The following LHPP variants were observed in gnomAD, a reference collection of about 807,000 sequenced individuals.
LHPP encodes phospholysine phosphohistidine inorganic pyrophosphate phosphatase, also known as hLHPP.
In LHPP, 24 loss-of-function variants were observed where a neutral mutation model predicts 30.3. The observed-to-expected ratio is 0.79, with a 90% CI of 0.57 to 1.11. The LOEUF (loss-of-function observed/expected upper bound fraction) is 1.11, where lower values mean the gene tolerates loss of function less well. Ranked by LOEUF, LHPP falls within the 50% of genes most tolerant of loss-of-function variation. The pLI, the probability that LHPP is intolerant of heterozygous loss-of-function variation, is 0.00. For missense variants in LHPP, 356 were observed against 367.2 expected, an observed-to-expected ratio of 0.97 and a Z score of 0.25; for synonymous variants, 150 against 157.1, an observed-to-expected ratio of 0.95 and a Z score of 0.34.
At chr10:124,467,074 T>G (rs1277617957) in intron 1 of LHPP, among the ~76,000 whole-genome samples, 3 of 151,500 alleles carry the variant, frequency 2.0e-5, no homozygotes, top group Non-Finnish European at 2.9e-5. Flanking sequence ...CCGTGAGCTA[T>G]GAATGTGCTA....
At chr10:124,526,092 G>T in intron 6 of LHPP, 1 of 784,840 alleles carries the variant, frequency 1.3e-6, no homozygotes, top group Non-Finnish European at 1.5e-6. Context: ...CCTGGAAGGC[G>T]CTGGAGTGGT....
intron 6 of LHPP, among the ~76,000 whole-genome samples, chr10:124,589,562 G>T (rs899525610): frequency 2.0e-5 from 3 of 152,236 alleles, no homozygotes; most frequent in African/African-American, 7.2e-5. Context: ...GGAGGAGCAG[G>T]ACTGTTGACA....
chr10:124,540,210 C>T lies in LHPP; in HGVS notation c.716+22939C>T, dbSNP rs1191880386. Among the ~76,000 whole-genome samples the T allele has an allele frequency of 2.0e-5, 3 of 152,318 alleles. No individual in the cohort carries two copies. The East Asian group carries it at 5.8e-4, about 29-fold the overall frequency. The stretch of plus-strand genomic sequence containing the variant: ...GCTGTGGGTGGGTGGGCAGGTGTGC[C>T]TTGTGCTGTGGCCTCCCGAGACAAG... On this transcript the variant is annotated intron_variant, in intron 6 of 6. Coordinates refer to ENST00000368842, the MANE Select transcript of LHPP (RefSeq NM_022126.4).
chr10:124,535,051 A>G (rs558174540), intron 6 of LHPP, among the ~76,000 whole-genome samples: 1 of 152,306 alleles, frequency 6.6e-6, no homozygotes, highest in South Asian at 2.1e-4. Flanking sequence ...TTGTGTGGCC[A>G]TAGGTGGTTA....
chr10:124,465,775 C>G (rs1033765625), intron 1 of LHPP, among the ~76,000 whole-genome samples: 4 of 152,222 alleles, frequency 2.6e-5, no homozygotes, highest in Admixed American at 2.6e-4. Flanking sequence ...GATGGCCAGG[C>G]TGGTCCCGAA....
At chr10:124,578,162 T>C (rs1199412441) in intron 6 of LHPP, among the ~76,000 whole-genome samples, 1 of 152,196 alleles carries the variant, frequency 6.6e-6, no homozygotes, top group South Asian at 2.1e-4. Context: ...CACCACATGC[T>C]GTCACCTCCA....
At position 124,563,313 on chromosome 10, in the gene LHPP, CT is replaced by C. The variant is rs58678509; in HGVS notation, c.716+46057del. ...AGAAACAATCTCTCTCTCTCTTTTT[CT>C]TTTTTTTTTTTTTTGCATAAAATCC... On this transcript the variant is annotated intron_variant, in intron 6 of 6. Transcript: ENST00000368842. Among the ~76,000 whole-genome samples, 1,323 of 139,002 alleles carry C rather than the reference CT, an allele frequency of 9.5e-3. 21 individuals are homozygous for C. Among genetic ancestry groups the C allele is most frequent in the African/African-American group, 0.033 (1,226 of 37,486 alleles). 91.2% of individuals were successfully genotyped at this position (139,002 alleles called of 152,430 possible).
At chr10:124,544,382 G>A (rs1336367410) in intron 6 of LHPP, among the ~76,000 whole-genome samples, 1 of 152,200 alleles carries the variant, frequency 6.6e-6, no homozygotes, top group Admixed American at 6.5e-5. Context: ...GTCCCCAGGG[G>A]TCAGGAGCAG....
chr10:124,591,507 C>G (rs1948882065), intron 6 of LHPP, among the ~76,000 whole-genome samples: 4 of 152,116 alleles, frequency 2.6e-5, no homozygotes, highest in Admixed American at 2.6e-4. Context: ...TAGAGAACAA[C>G]AGGTTTAGGA....
intron 4 of LHPP, 100 bp from the exon 5 acceptor site, chr10:124,497,936 C>A: frequency 4.2e-6 from 4 of 948,922 alleles, no homozygotes; most frequent in Non-Finnish European, 6.8e-6. Context: ...CTTCAAGGCC[C>A]TTGACTCTTG....
chr10:124,499,419 G>A (rs1953837777), intron 5 of LHPP, among the ~76,000 whole-genome samples: 1 of 151,798 alleles, frequency 6.6e-6, no homozygotes, highest in African/African-American at 2.4e-5. Context: ...TGAGGCAGGT[G>A]GATCACTTGA....
chr10:124,548,819 G>A (rs1955412933), intron 6 of LHPP, among the ~76,000 whole-genome samples: 1 of 152,238 alleles, frequency 6.6e-6, no homozygotes, highest in Non-Finnish European at 1.5e-5. Flanking sequence ...GTCTGGCAGA[G>A]CCTCAGCAGG....
chr10:124,607,852 G>A (rs924802354), intron 6 of LHPP, among the ~76,000 whole-genome samples: 16 of 152,196 alleles, frequency 1.1e-4, no homozygotes, highest in African/African-American at 3.4e-4. Flanking sequence ...CCCGGGCCGC[G>A]GCCTCAGCCC....
At chr10:124,585,724 G>A (rs952043661) in intron 6 of LHPP, among the ~76,000 whole-genome samples, 4 of 151,990 alleles carry the variant, frequency 2.6e-5, no homozygotes, top group African/African-American at 7.2e-5. Context: ...TCAGCCTCCC[G>A]AGCAGCAAGC....
At chr10:124,471,733 A>ATG (rs1952782804) in intron 1 of LHPP, among the ~76,000 whole-genome samples, 1 of 122,768 alleles carries the variant, frequency 8.1e-6, no homozygotes, top group Non-Finnish European at 1.6e-5. Context: ...ATGTATATAT[A>ATG]TATTTGTATA....
intron 6 of LHPP, chr10:124,526,239 C>T: frequency 1.0e-6 from 1 of 985,358 alleles, no homozygotes; most frequent in Non-Finnish European, 1.2e-6. Context: ...GCGCGTTCCC[C>T]AGGAGCTGGA....
rs1031582873 is a variant in LHPP at position 124,496,741 on chromosome 10, C to A, written c.468-220C>A. ...GCGACCTGTGGCATCCCTGGAGCTG[C>A]TGGCTGCTGCGCTCGCCCCACTGGG... is the stretch of plus-strand genomic sequence containing the variant. On this transcript the variant is annotated intron_variant, in intron 3 of 6. Transcript: ENST00000368842. This position sits in a 1 kb window ranked among gnomAD's most constrained non-coding sequence, Gnocchi z 4.3. Among the ~76,000 whole-genome samples the A allele has an allele frequency of 6.6e-6, 1 of 152,250 alleles. No individual in the cohort carries two copies. The highest frequency in any genetic ancestry group is 2.4e-5 in the African/African-American group (1 of 41,474).
intron 1 of LHPP, among the ~76,000 whole-genome samples, chr10:124,472,768 G>T (rs536491695): frequency 6.6e-6 from 1 of 152,138 alleles, no homozygotes; most frequent in Non-Finnish European, 1.5e-5. Context: ...ATGTTGACCA[G>T]GCTGGTTTTG....
At chr10:124,535,838 A>G (rs975327010) in intron 6 of LHPP, among the ~76,000 whole-genome samples, 1 of 152,368 alleles carries the variant, frequency 6.6e-6, no homozygotes, top group Non-Finnish European at 1.5e-5. Flanking sequence ...CAGGGCTGCA[A>G]GAGCAGCTGC....
Sources: gnomAD v4.1 joint callset for allele counts (sites outside exome capture counted in the v4.1 genomes callset) on GRCh38, gnomAD v4.1.1 for gene constraint, Gnocchi (gnomAD v3.1) non-coding constraint, MANE v1.5 for transcripts, NCBI Gene and HGNC (gene_info 2026-07-23, HGNC 2026-07-21) for gene names.